EPHA3: variants seen among roughly 807,000 people sequenced by gnomAD.
EPHA3 encodes the protein EPH receptor A3, also known as ephrin type-A receptor 3.
Under a neutral mutation model 107.1 loss-of-function variants are expected in EPHA3, and 42 were observed. The observed-to-expected ratio is 0.39, with a 90% CI of 0.31 to 0.51. The LOEUF (loss-of-function observed/expected upper bound fraction) is 0.51, where lower values mean the gene tolerates loss of function less well. EPHA3 is among the 20% of genes least tolerant of loss of function. The pLI is 0.78. For synonymous variants in EPHA3, 461 were observed against 424.8 expected (o/e 1.09, Z -1.05); for missense variants, 1,183 against 1,211.2 (o/e 0.98, Z 0.35).
At chr3:89,291,678 T>C (rs942147163) in intron 3 of EPHA3, among the ~76,000 whole-genome samples, 5 of 152,144 alleles carry the variant, frequency 3.3e-5, no homozygotes, top group African/African-American at 7.2e-5. Flanking sequence ...AATTGCTAAC[T>C]GAGGGCCTTG....
intron 3 of EPHA3, among the ~76,000 whole-genome samples, chr3:89,339,279 G>A (rs1207411961): frequency 2.0e-5 from 3 of 148,778 alleles, no homozygotes; most frequent in Non-Finnish European, 4.4e-5. Flanking sequence ...GCTGAGGCAG[G>A]AGAATAGCTT....
intron 1 of EPHA3, among the ~76,000 whole-genome samples, chr3:89,118,701 A>G (rs1707311015): frequency 6.6e-6 from 1 of 151,942 alleles, no homozygotes; most frequent in Non-Finnish European, 1.5e-5. Flanking sequence ...TTCATATTAT[A>G]ATAATTTATT....
intron 2 of EPHA3, among the ~76,000 whole-genome samples, chr3:89,161,621 A>G (rs957580591): frequency 5.9e-5 from 9 of 152,272 alleles, no homozygotes; most frequent in Middle Eastern, 3.4e-3. Flanking sequence ...ATATACATAT[A>G]AAACAAAAAC....
intron 1 of EPHA3, among the ~76,000 whole-genome samples, chr3:89,120,367 C>T (rs909647960): frequency 2.0e-5 from 3 of 152,110 alleles, no homozygotes; most frequent in Non-Finnish European, 4.4e-5. Flanking sequence ...TATCAGTTAA[C>T]AATGGAGAGA....
At chr3:89,439,113 C>T (rs1576378567) in intron 13 of EPHA3, among the ~76,000 whole-genome samples, 2 of 152,104 alleles carry the variant, frequency 1.3e-5, no homozygotes, top group African/African-American at 4.8e-5. Flanking sequence ...GACACTAGAG[C>T]AGAAAATGGG....
intron 2 of EPHA3, among the ~76,000 whole-genome samples, chr3:89,184,607 C>A (rs2107126649): frequency 6.6e-6 from 1 of 152,074 alleles, no homozygotes; most frequent in South Asian, 2.1e-4. Context: ...AAAATGTAAA[C>A]ACACACTGAA....
chr3:89,352,433 T>G (rs1707848401), intron 5 of EPHA3, among the ~76,000 whole-genome samples: 1 of 151,470 alleles, frequency 6.6e-6, no homozygotes, highest in Admixed American at 6.6e-5. Context: ...ATGGACTCAC[T>G]TACTATAAAA....
chr3:89,329,807 C>T lies in EPHA3; in HGVS notation c.815-11109C>T, dbSNP rs77953073. 2.8e-3 allele frequency among the ~76,000 whole-genome samples: 422 copies of T among 152,054 alleles called. 25 individuals carry two copies. The East Asian group carries it at 0.077, about 28-fold the overall frequency. On this transcript the variant is annotated intron_variant, in intron 3 of 16. Coordinates refer to ENST00000336596, the MANE Select transcript of EPHA3 (RefSeq NM_005233.6). The stretch of plus-strand genomic sequence containing the variant: ...TCTGCCCATGAGATTGTTCCATATG[C>T]TTGAGAAGTTTCTTCCCACCTTCAC...
chr3:89,136,652 T>C (rs1704322821), intron 2 of EPHA3, among the ~76,000 whole-genome samples: 2 of 151,734 alleles, frequency 1.3e-5, no homozygotes, highest in Admixed American at 6.6e-5. Context: ...CTTAGTGGGA[T>C]TTAAAATAAA....
chr3:89,440,186 A>C (rs1709756101), intron 13 of EPHA3, among the ~76,000 whole-genome samples: 1 of 152,204 alleles, frequency 6.6e-6, no homozygotes, highest in African/African-American at 2.4e-5. Context: ...AATGAATTTT[A>C]GTCCTTGACA....
intron 2 of EPHA3, among the ~76,000 whole-genome samples, chr3:89,134,368 TC>T (rs1376587196): frequency 6.6e-6 from 1 of 151,830 alleles, no homozygotes; most frequent in Non-Finnish European, 1.5e-5. Context: ...CCCTCCCCAC[TC>T]CCCGCATCCC....
intron 3 of EPHA3, among the ~76,000 whole-genome samples, chr3:89,227,180 C>T (rs1323066955): frequency 6.6e-6 from 1 of 152,028 alleles, no homozygotes; most frequent in Non-Finnish European, 1.5e-5. Flanking sequence ...CATATCATTT[C>T]TACATTTACT....
At chr3:89,336,368 CTT>C (rs1292271862) in intron 3 of EPHA3, among the ~76,000 whole-genome samples, 1 of 151,974 alleles carries the variant, frequency 6.6e-6, no homozygotes, top group Non-Finnish European at 1.5e-5. Flanking sequence ...TCCTTAAAGT[CTT>C]TAATACTCAG....
intron 7 of EPHA3, among the ~76,000 whole-genome samples, chr3:89,400,625 G>T (rs1708942942): frequency 6.8e-6 from 1 of 146,770 alleles, no homozygotes; most frequent in African/African-American, 2.5e-5. Context: ...TTATGTGTGT[G>T]TGTGTGTGAG....
chr3:89,287,920 T>C (rs1706127763), intron 3 of EPHA3, among the ~76,000 whole-genome samples: 1 of 152,118 alleles, frequency 6.6e-6, no homozygotes, highest in Non-Finnish European at 1.5e-5. Flanking sequence ...CATCTTTTAT[T>C]TTTTCTGACA....
chr3:89,316,072 A>C (rs144129708), intron 3 of EPHA3, among the ~76,000 whole-genome samples: 146 of 151,914 alleles, frequency 9.6e-4, no homozygotes, highest in East Asian at 3.5e-3. Flanking sequence ...ATAACGCAAA[A>C]AATAAGTTGC....
intron 2 of EPHA3, among the ~76,000 whole-genome samples, chr3:89,150,426 G>GA (rs1441286866): frequency 2.0e-5 from 3 of 151,686 alleles, no homozygotes; most frequent in African/African-American, 7.3e-5. Flanking sequence ...TTCGTTATTG[G>GA]AAAAAAAGAT....
At chr3:89,382,478 A>G (rs1364745039) in intron 5 of EPHA3, among the ~76,000 whole-genome samples, 1 of 151,136 alleles carries the variant, frequency 6.6e-6, no homozygotes, top group East Asian at 1.9e-4. Flanking sequence ...ATTGCACTCC[A>G]ACCTGGGCAA....
intron 2 of EPHA3, among the ~76,000 whole-genome samples, chr3:89,147,154 G>C (rs546414526): frequency 8.6e-5 from 13 of 151,826 alleles, no homozygotes; most frequent in African/African-American, 3.1e-4. Flanking sequence ...ATGAACACAG[G>C]AAGGGGAACA....
Sources: gnomAD v4.1 joint callset for allele counts (sites outside exome capture counted in the v4.1 genomes callset) on GRCh38, gnomAD v4.1.1 for gene constraint, MANE v1.5 for transcripts, NCBI Gene and HGNC (gene_info 2026-07-23, HGNC 2026-07-21) for gene names.